PTPRG: variants seen among roughly 807,000 people sequenced by gnomAD.
PTPRG encodes protein tyrosine phosphatase receptor type G.
In PTPRG, 102 loss-of-function variants were observed where a neutral mutation model predicts 165.3. The observed-to-expected ratio is 0.62, with a 90% CI of 0.53 to 0.73. The LOEUF (loss-of-function observed/expected upper bound fraction) is 0.73. PTPRG is among the 30% of genes least tolerant of loss of function. The pLI, the probability that PTPRG is intolerant of heterozygous loss-of-function variation, is 0.00. For missense variants in PTPRG, 1,866 were observed against 1,861.4 expected, an observed-to-expected ratio of 1.00 and a Z score of -0.05; for synonymous variants, 675 against 669.5, an observed-to-expected ratio of 1.01 and a Z score of -0.13.
chr3:61,971,812 T>C (rs2040390855), intron 2 of PTPRG, among the ~76,000 whole-genome samples: 2 of 152,246 alleles, frequency 1.3e-5, no homozygotes, highest in South Asian at 4.1e-4. Context: ...CATATATAAA[T>C]TATACCTCAA....
chr3:61,605,570 T>C (rs35151811), intron 1 of PTPRG, among the ~76,000 whole-genome samples: 13,578 of 87,674 alleles, frequency 0.15, 729 homozygotes, highest in East Asian at 0.5. Context: ...TTTTTATTTT[T>C]TTGTTTTTTT....
intron 4 of PTPRG, among the ~76,000 whole-genome samples, chr3:62,070,524 G>A (rs745878756): frequency 6.6e-6 from 1 of 152,200 alleles, no homozygotes; most frequent in African/African-American, 2.4e-5. Context: ...TAGGGACACA[G>A]CCTTGCACTG....
At chr3:62,293,127 C>G (rs1702959137) in intron 29 of PTPRG, 34 bp from the exon 30 acceptor site, 1 of 1,502,860 alleles carries the variant, frequency 6.7e-7, no homozygotes, top group South Asian at 1.4e-5. Flanking sequence ...CTAAACTGTT[C>G]TTTGGCTCAA....
rs1333740036 is a variant in PTPRG, at chr3:62,294,508, A to G, written c.*1201A>G. On this transcript the variant is annotated 3_prime_UTR_variant, in exon 30 of 30. Coordinates refer to ENST00000474889, the MANE Select transcript of PTPRG (RefSeq NM_002841.4). ...ACATTTTCAAGTTTTTAAAAGAGGG[A>G]GATGGCTTTGTATGCTTTTGTGTAG... The G allele has an allele frequency of 6.6e-6, 1 of 152,120 alleles. No individual in the cohort carries two copies. Among genetic ancestry groups the G allele is most frequent in the Non-Finnish European group, 1.5e-5 (1 of 68,016 alleles). The allele number at this position is 152,120 out of a possible 1,614,324, so 9.4% of individuals were successfully genotyped here. A position where few individuals can be genotyped will look rare whatever the true frequency, so the allele number is the denominator to read the frequency against.
rs181351281 is a variant in PTPRG, at chr3:62,193,602, G to T, written c.1219-1460G>T. Among the ~76,000 whole-genome samples, 63 of 152,244 alleles carry T rather than the reference G, an allele frequency of 4.1e-4. 1 individual carries two copies. The highest frequency in any genetic ancestry group is 6.5e-4 in the Admixed American group (10 of 15,292). ...ATTTTCTAGAGGGCATCCACCTTCC[G>T]CATCGTCACCACAAACCTGTGGGCA... is the stretch of plus-strand genomic sequence containing the variant. On this transcript the variant is annotated intron_variant, in intron 9 of 29. Coordinates refer to ENST00000474889, the MANE Select transcript of PTPRG (RefSeq NM_002841.4).
intron 2 of PTPRG, among the ~76,000 whole-genome samples, chr3:61,879,247 CAG>C (rs553382524): frequency 8.5e-4 from 129 of 152,278 alleles, no homozygotes; most frequent in African/African-American, 3.0e-3. Flanking sequence ...CCTAGAGAGA[CAG>C]ATTTCTTGCT....
intron 2 of PTPRG, among the ~76,000 whole-genome samples, chr3:61,862,187 C>T (rs2037288726): frequency 6.6e-6 from 1 of 152,028 alleles, no homozygotes; most frequent in Non-Finnish European, 1.5e-5. Flanking sequence ...TTCCTTGCTC[C>T]TTAAGAGATG....
chr3:62,281,538 C>CGTTTTTTTTTTTTTT, intron 26 of PTPRG, 25 bp from the exon 27 acceptor site: 1 of 620,526 alleles, frequency 1.6e-6, no homozygotes. Context: ...ACTGCAGAGG[C>CGTTTTTTTTTTTTTT]TTTTTTTTTT....
chr3:62,068,956 C>A (rs1454594824), intron 4 of PTPRG, among the ~76,000 whole-genome samples: 1 of 152,188 alleles, frequency 6.6e-6, no homozygotes, highest in African/African-American at 2.4e-5. Context: ...TGCCACCTTG[C>A]CTGCAAAGAT....
intron 5 of PTPRG, among the ~76,000 whole-genome samples, chr3:62,092,322 C>T (rs544956189): frequency 3.3e-5 from 5 of 151,198 alleles, no homozygotes; most frequent in African/African-American, 4.9e-5. Flanking sequence ...CGCCTGTAAT[C>T]CCTGCTGCTC....
intron 2 of PTPRG, among the ~76,000 whole-genome samples, chr3:61,852,678 T>C (rs2036996675): frequency 1.3e-5 from 2 of 152,330 alleles, no homozygotes; most frequent in African/African-American, 4.8e-5. Flanking sequence ...TCTGTATTTC[T>C]AGGTTACTTT....
At chr3:61,817,097 TTATTACA>T (rs1172997744) in intron 2 of PTPRG, among the ~76,000 whole-genome samples, 98 of 131,900 alleles carry the variant, frequency 7.4e-4, no homozygotes, top group South Asian at 2.0e-3. Flanking sequence ...ATATTACATA[TTATTACA>T]TATTACATAT....
intron 2 of PTPRG, among the ~76,000 whole-genome samples, chr3:61,794,192 A>G (rs114343016): frequency 0.028 from 4,200 of 152,086 alleles, 120 homozygotes; most frequent in South Asian, 0.13. Flanking sequence ...TCTCCATTTT[A>G]CTTTAAAAAA....
intron 10 of PTPRG, among the ~76,000 whole-genome samples, chr3:62,197,810 A>G (rs538202318): frequency 2.8e-4 from 43 of 152,346 alleles, no homozygotes; most frequent in Non-Finnish European, 5.6e-4. Context: ...CTGTCAGCTA[A>G]TAAGTTCAAA....
At chr3:61,777,719 C>T (rs1014700475) in intron 2 of PTPRG, among the ~76,000 whole-genome samples, 27 of 152,128 alleles carry the variant, frequency 1.8e-4, no homozygotes, top group Non-Finnish European at 4.4e-5. Flanking sequence ...AGGAGGATTA[C>T]GTGACAAGAA....
intron 2 of PTPRG, among the ~76,000 whole-genome samples, chr3:61,756,552 A>G (rs775429567): frequency 1.3e-5 from 2 of 152,056 alleles, no homozygotes; most frequent in Non-Finnish European, 2.9e-5. Context: ...CTCTACTTAG[A>G]GTTCTTTTCT....
At position 62,211,957 on chromosome 3, in the gene PTPRG, C is replaced by CT. The variant is rs1309689652; in HGVS notation, c.2156-6882dup. ...TGCCACTGAAAACTGTTTTTCTTTTCTTTTTTTTTTTTAATTTTTTTTTAA... is the reference window on the plus strand; with the variant it reads ...TGCCACTGAAAACTGTTTTTCTTTTCTTTTTTTTTTTTTAATTTTTTTTTAA... On this transcript the variant is annotated intron_variant, in intron 12 of 29. Coordinates refer to ENST00000474889, the MANE Select transcript of PTPRG (RefSeq NM_002841.4). 8.6e-4 allele frequency among the ~76,000 whole-genome samples: 124 copies of CT among 143,420 alleles called. 1 individual carries two copies. Among genetic ancestry groups the CT allele is most frequent in the African/African-American group, 1.9e-3 (74 of 39,220 alleles). 94.1% of individuals were successfully genotyped at this position (143,420 alleles called of 152,430 possible).
At chr3:62,025,121 G>A (rs1464501190) in intron 4 of PTPRG, among the ~76,000 whole-genome samples, 1 of 152,184 alleles carries the variant, frequency 6.6e-6, no homozygotes, top group Non-Finnish European at 1.5e-5. Flanking sequence ...GTCAGAGTTA[G>A]ACACTGCAAC....
At chr3:61,596,269 TGTACATTTA>T (rs1279225952) in intron 1 of PTPRG, among the ~76,000 whole-genome samples, 4 of 152,210 alleles carry the variant, frequency 2.6e-5, no homozygotes, top group African/African-American at 7.2e-5. Context: ...ACAGTGGATA[TGTACATTTA>T]GCTTAAATTA....
Sources: gnomAD v4.1 joint callset for allele counts (sites outside exome capture counted in the v4.1 genomes callset) on GRCh38, gnomAD v4.1.1 for gene constraint, MANE v1.5 for transcripts, NCBI Gene and HGNC (gene_info 2026-07-23, HGNC 2026-07-21) for gene names.